The following MMP26 variants were observed in gnomAD, a reference collection of about 807,000 sequenced individuals.
MMP26 encodes the protein matrix metalloproteinase-26.
Under a neutral mutation model 31.0 loss-of-function variants are expected in MMP26, and 33 were observed. That is an observed-to-expected ratio of 1.06 (90% CI 0.81 to 1.42). MMP26 has a LOEUF of 1.42. MMP26 is among the 40% of genes most tolerant of loss of function. The probability of loss-of-function intolerance (pLI) is 0.00; values close to 1 mark genes in which losing one functional copy is unlikely to be tolerated. For synonymous variants in MMP26, 122 were observed against 114.9 expected, an observed-to-expected ratio of 1.06 and a Z score of -0.40; for missense variants, 347 against 316.1, an observed-to-expected ratio of 1.10 and a Z score of -0.74.
At chr11:4,782,223 T>C (rs1177239805) in intron 2 of MMP26, among the ~76,000 whole-genome samples, 1 of 152,122 alleles carries the variant, frequency 6.6e-6, no homozygotes, top group Non-Finnish European at 1.5e-5. Flanking sequence ...TAGGGTCTTG[T>C]TGAATGGCTT....
At chr11:4,956,740 G>A (rs1373819935) in intron 2 of MMP26, among the ~76,000 whole-genome samples, 1 of 152,110 alleles carries the variant, frequency 6.6e-6, no homozygotes, top group East Asian at 1.9e-4. Context: ...AAACCAACTT[G>A]TCCAACTTAG....
intron 2 of MMP26, among the ~76,000 whole-genome samples, chr11:4,978,482 T>A (rs1846769297): frequency 6.6e-6 from 1 of 152,146 alleles, no homozygotes; most frequent in Non-Finnish European, 1.5e-5. Context: ...ACAATATTTT[T>A]ACCTCTAGAA....
intron 2 of MMP26, among the ~76,000 whole-genome samples, chr11:4,934,767 G>A (rs1472098331): frequency 6.7e-6 from 1 of 149,566 alleles, no homozygotes; most frequent in Non-Finnish European, 1.5e-5. Flanking sequence ...GTGTATGGAA[G>A]GGATCCAGTT....
rs1356324830 is a variant in MMP26, at chr11:4,947,311, A to G, written c.-144-40757A>G. ...TATAATCTGTCGTATAATACATTGG[A>G]AAAATTATTTCTGGACATGTTATTT... On this transcript the variant is annotated intron_variant, in intron 2 of 7. Transcript: ENST00000380390. 4 of 379,132 alleles carry G rather than the reference A, an allele frequency of 1.1e-5. 1 individual carries two copies. Among genetic ancestry groups the G allele is most frequent in the African/African-American group, 2.2e-5 (1 of 45,914 alleles). The allele number at this position is 379,132 out of a possible 1,614,324, so 23.5% of individuals were successfully genotyped here. A position where few individuals can be genotyped will look rare whatever the true frequency, so the allele number is the denominator to read the frequency against.
At chr11:4,935,062 C>A (rs1851414074) in intron 2 of MMP26, among the ~76,000 whole-genome samples, 1 of 151,596 alleles carries the variant, frequency 6.6e-6, no homozygotes, top group Non-Finnish European at 1.5e-5. Context: ...AATGTGGGCT[C>A]TTTTTTGGTT....
chr11:4,834,418 G>C (rs533755449), intron 2 of MMP26, among the ~76,000 whole-genome samples: 44 of 152,312 alleles, frequency 2.9e-4, no homozygotes, highest in African/African-American at 1.1e-3. Flanking sequence ...TAATGAGAAA[G>C]GGTCAGCAAG....
At chr11:4,853,691 A>G (rs1850006510) in intron 2 of MMP26, among the ~76,000 whole-genome samples, 1 of 152,234 alleles carries the variant, frequency 6.6e-6, no homozygotes, top group Non-Finnish European at 1.5e-5. Flanking sequence ...AGATGATTTC[A>G]TGGGTGAATT....
intron 2 of MMP26, chr11:4,849,154 TG>T: frequency 6.2e-7 from 1 of 1,613,748 alleles, no homozygotes; most frequent in East Asian, 2.2e-5. Flanking sequence ...AGCAAGAAGG[TG>T]GGGGCCATTG....
At chr11:4,757,473 A>C (rs995650900) in intron 1 of MMP26, among the ~76,000 whole-genome samples, 3 of 152,096 alleles carry the variant, frequency 2.0e-5, no homozygotes, top group Non-Finnish European at 4.4e-5. Flanking sequence ...TAAATGATCA[A>C]TATCAGACTT....
chr11:4,751,307 T>C (rs1430705931), intron 1 of MMP26, among the ~76,000 whole-genome samples: 1 of 152,166 alleles, frequency 6.6e-6, no homozygotes, highest in Admixed American at 6.6e-5. Flanking sequence ...GCTATAATAA[T>C]GTACACACAG....
At chr11:4,827,445 A>T (rs1421583274) in intron 2 of MMP26, among the ~76,000 whole-genome samples, 4 of 152,070 alleles carry the variant, frequency 2.6e-5, no homozygotes, top group African/African-American at 9.7e-5. Flanking sequence ...ATCCTGAAAA[A>T]GGTATCCAGG....
intron 2 of MMP26, among the ~76,000 whole-genome samples, chr11:4,827,650 T>C (rs1360725153): frequency 6.6e-6 from 1 of 151,938 alleles, no homozygotes; most frequent in African/African-American, 2.4e-5. Flanking sequence ...TTATTATTTA[T>C]TGTTGTTAAC....
chr11:4,723,903 C>A, intron 1 of MMP26: 1 of 1,054,998 alleles, frequency 9.5e-7, no homozygotes, highest in South Asian at 1.2e-5. Context: ...GCTCCTTCTC[C>A]TGGGTGCGCA....
intron 2 of MMP26, among the ~76,000 whole-genome samples, chr11:4,785,475 A>G (rs1342391733): frequency 6.6e-6 from 1 of 152,170 alleles, no homozygotes; most frequent in Non-Finnish European, 1.5e-5. Context: ...AACTCAGTAG[A>G]TAAATTAACA....
chr11:4,737,306 C>T (rs1440802128), intron 1 of MMP26, among the ~76,000 whole-genome samples: 1 of 152,058 alleles, frequency 6.6e-6, no homozygotes, highest in Non-Finnish European at 1.5e-5. Context: ...CTTCATGATT[C>T]TTGTTTCCTG....
intron 2 of MMP26, chr11:4,942,702 T>C (rs1040956165): frequency 6.6e-6 from 1 of 152,150 alleles, no homozygotes; most frequent in Non-Finnish European, 1.5e-5. Context: ...ATGTTAATGA[T>C]CTCACAAATA....
At chr11:4,932,737 C>G (rs926113305) in intron 2 of MMP26, among the ~76,000 whole-genome samples, 1 of 152,106 alleles carries the variant, frequency 6.6e-6, no homozygotes, top group Non-Finnish European at 1.5e-5. Flanking sequence ...TATTTCTGAA[C>G]ATGGTTCCTG....
At chr11:4,984,957 A>AT (rs896393800) in intron 2 of MMP26, among the ~76,000 whole-genome samples, 16 of 151,674 alleles carry the variant, frequency 1.1e-4, no homozygotes, top group African/African-American at 2.9e-4. Context: ...GACTTAGAGG[A>AT]TTTTTTTTTA....
intron 2 of MMP26, chr11:4,937,269 A>G (rs761344680): frequency 1.3e-5 from 2 of 152,204 alleles, no homozygotes; most frequent in African/African-American, 4.8e-5. Context: ...AGACCACTCT[A>G]GTAAAGTATA....
Sources: allele counts gnomAD v4.1 joint callset (sites outside exome capture counted in the v4.1 genomes callset), GRCh38; gene constraint gnomAD v4.1.1; transcripts MANE v1.5; gene names NCBI Gene and HGNC (gene_info 2026-07-23, HGNC 2026-07-21).